Variants in ACP3 observed in about 807,000 individuals in gnomAD.
ACP3 encodes acid phosphatase 3.
A neutral mutation model predicts 45.6 loss-of-function variants in ACP3; 38 were observed. The ratio of observed to expected loss-of-function variants is 0.83; its 90% CI spans 0.64 to 1.09. The LOEUF (loss-of-function observed/expected upper bound fraction) is 1.09. Among genes scored for constraint, ACP3 ranks in the 50% least tolerant of loss-of-function variants. ACP3 has a pLI of 0.00. For missense variants in ACP3, 466 were observed against 463.2 expected (o/e 1.01, Z -0.05); for synonymous variants, 162 against 164.7 (o/e 0.98, Z 0.13).
Position 132,365,991 on chromosome 3 carries a change from C to CA in ACP3, c.1139-1701dup, listed in dbSNP as rs112882480. Among the ~76,000 whole-genome samples, 1,037 of 133,184 alleles carry CA rather than the reference C, an allele frequency of 7.8e-3. 6 individuals are homozygous for CA. Among genetic ancestry groups the CA allele is most frequent in the African/African-American group, 0.023 (829 of 36,166 alleles). 87.4% of individuals were successfully genotyped at this position (133,184 alleles called of 152,430 possible). On this transcript the variant is annotated intron_variant, in intron 10 of 10. Coordinates refer to the ACP3 transcript ENST00000351273. ...GGCAACACAGCAAGACTCCATCTCC[C>CA]AAAAAAAAAAAAGGATTGTGGCCTT...
In ACP3 at chr3:132,352,786, G is replaced by A. The variant is rs369601255; in HGVS notation, c.931G>A (p.Ala311Thr). The A allele has an allele frequency of 5.0e-6, 8 of 1,613,698 alleles. No individual in the cohort carries two copies. The African/African-American group carries it at 1.1e-4, about 22-fold the overall frequency. Residue 311 changes from alanine to threonine, a missense_variant, in exon 9 of 10, where the codon GCT (alanine) becomes ACT (threonine). By Grantham distance (58) the Ala-to-Thr change is moderately conservative (BLOSUM62 0). Coordinates refer to ENST00000336375, the MANE Select transcript of ACP3 (RefSeq NM_001099.5). ...TTACAACGGACTCCTTCCTCCCTAT[G>A]CTTCTTGCCACTTGACGGAATTGTA... Reference protein sequence around the residue: ...DVYNGLLPPYASCHLTELYFE... With the variant: ...DVYNGLLPPYTSCHLTELYFE...
intron 4 of ACP3, among the ~76,000 whole-genome samples, chr3:132,336,594 G>A (rs1283726429): frequency 6.6e-6 from 1 of 152,154 alleles, no homozygotes; most frequent in East Asian, 1.9e-4. Context: ...GCTGGGGAAG[G>A]ATGGCTAGAA....
chr3:132,359,381 A>G (rs558304333), downstream of ACP3, among the ~76,000 whole-genome samples: 115 of 152,166 alleles, frequency 7.6e-4, no homozygotes, highest in Middle Eastern at 0.014. Context: ...GGTGGCGGGC[A>G]CCTGTAGTCC....
intron 9 of ACP3, among the ~76,000 whole-genome samples, chr3:132,355,808 G>A (rs954823334): frequency 9.9e-5 from 15 of 152,196 alleles, no homozygotes; most frequent in Non-Finnish European, 1.6e-4. Flanking sequence ...GAGCCACTGC[G>A]CCCAGCCTTA....
chr3:132,325,526 A>G (rs1937282487), intron 1 of ACP3, among the ~76,000 whole-genome samples: 1 of 151,104 alleles, frequency 6.6e-6, no homozygotes, highest in African/African-American at 2.4e-5. Flanking sequence ...TATTCTTTCA[A>G]TAATATACAT....
At chr3:132,334,222 G>C (rs1937452519) in intron 4 of ACP3, among the ~76,000 whole-genome samples, 1 of 152,106 alleles carries the variant, frequency 6.6e-6, no homozygotes, top group South Asian at 2.1e-4. Flanking sequence ...TAGAAGAGGA[G>C]GAAAGAAACA....
intron 1 of ACP3, among the ~76,000 whole-genome samples, chr3:132,324,269 T>C (rs1937257404): frequency 6.6e-6 from 1 of 151,468 alleles, no homozygotes; most frequent in Non-Finnish European, 1.5e-5. Flanking sequence ...CATTTTCCAC[T>C]GGATATAGCC....
intron 1 of ACP3, among the ~76,000 whole-genome samples, chr3:132,318,865 G>C (rs1314581834): frequency 1.3e-5 from 2 of 152,216 alleles, no homozygotes; most frequent in African/African-American, 2.4e-5. Flanking sequence ...CCTGTGACAA[G>C]CTGGTTGAGT....
At chr3:132,325,144 C>G (rs561270311) in intron 1 of ACP3, among the ~76,000 whole-genome samples, 1 of 152,236 alleles carries the variant, frequency 6.6e-6, no homozygotes, top group Admixed American at 6.5e-5. Flanking sequence ...TCGCATAGTC[C>G]AAGAACTCCA....
chr3:132,320,547 G>A (rs1039380419), intron 1 of ACP3, among the ~76,000 whole-genome samples: 1 of 152,004 alleles, frequency 6.6e-6, no homozygotes, highest in Admixed American at 6.6e-5. Context: ...TCATTTCACC[G>A]GTGTTAAGAA....
At chr3:132,331,881 T>G (rs1390050772) in intron 3 of ACP3, 148 bp downstream of exon 3, 1 of 831,926 alleles carries the variant, frequency 1.2e-6, no homozygotes, top group Non-Finnish European at 1.9e-6. Flanking sequence ...TGCAAATTTT[T>G]GTTCCAAAAA....
intron 1 of ACP3, among the ~76,000 whole-genome samples, chr3:132,326,544 T>C (rs1937300988): frequency 6.6e-6 from 1 of 152,180 alleles, no homozygotes; most frequent in Non-Finnish European, 1.5e-5. Flanking sequence ...CGCTTAACAT[T>C]TATTGCATCA....
chr3:132,320,417 T>C (rs1937184910), intron 1 of ACP3, among the ~76,000 whole-genome samples: 1 of 152,172 alleles, frequency 6.6e-6, no homozygotes, highest in East Asian at 1.9e-4. Flanking sequence ...TTGAGTTTTT[T>C]AAGTTATTTC....
At chr3:132,352,950 G>A in intron 9 of ACP3, 127 bp downstream of exon 9, 1 of 646,496 alleles carries the variant, frequency 1.5e-6, no homozygotes, top group South Asian at 1.9e-5. Flanking sequence ...GAAGAATGGT[G>A]GTAACAAGAT....
Position 132,328,377 on chromosome 3 carries a change from T to C in ACP3, c.216+15T>C. On this transcript the variant is annotated intron_variant, in intron 2 of 9. Transcript: ENST00000336375. ...AACTCACCCAGGTTGGTTGGACTTT[T>C]AGCTAAAGATTGTTGATGAAGCTGG... is the stretch of plus-strand genomic sequence containing the variant. 6.2e-7 allele frequency: 1 copy of C among 1,605,968 alleles called. No homozygotes were observed. Among genetic ancestry groups the C allele is most frequent in the South Asian group, 1.1e-5 (1 of 90,910 alleles).
At chr3:132,359,576 G>A (rs1427789779), downstream of ACP3, among the ~76,000 whole-genome samples, 1 of 152,060 alleles carries the variant, frequency 6.6e-6, no homozygotes, top group Non-Finnish European at 1.5e-5. Flanking sequence ...CTATCTTGAT[G>A]AGCAGCAATA....
chr3:132,334,679 A>G (rs985623633), intron 4 of ACP3, among the ~76,000 whole-genome samples: 1 of 152,212 alleles, frequency 6.6e-6, no homozygotes, highest in African/African-American at 2.4e-5. Flanking sequence ...GTAGAATGCC[A>G]GTTCTTCTGT....
At chr3:132,321,824 T>C (rs1185082915) in intron 1 of ACP3, among the ~76,000 whole-genome samples, 1 of 152,178 alleles carries the variant, frequency 6.6e-6, no homozygotes, top group African/African-American at 2.4e-5. Context: ...CAAATTATTG[T>C]CAGCAGGAAA....
At position 132,332,245 on chromosome 3, in the gene ACP3, C is replaced by T. The variant is rs773723429; in HGVS notation, c.357C>T (p.Asn119=). The change falls in exon 4 of 10, where the codon AAC becomes AAT. Residue 119 remains asparagine (N), a synonymous_variant. Coordinates refer to ENST00000336375, the MANE Select transcript of ACP3 (RefSeq NM_001099.5). ...GGACTTTGATGAGTGCTATGACAAACCTGGCAGCCCTGTTTCCCCCAGAAG... is the reference window on the plus strand; with the variant it reads ...GGACTTTGATGAGTGCTATGACAAATCTGGCAGCCCTGTTTCCCCCAGAAG... ...VDRTLMSAMT[N]LAALFPPEGV... is the part of the protein sequence containing the mutation. The T allele has an allele frequency of 6.2e-7, 1 of 1,614,104 alleles. No individual in the cohort carries two copies. Among genetic ancestry groups the T allele is most frequent in the Non-Finnish European group, 8.5e-7 (1 of 1,179,996 alleles).
Sources: allele counts gnomAD v4.1 joint callset (sites outside exome capture counted in the v4.1 genomes callset), GRCh38; gene constraint gnomAD v4.1.1; transcripts MANE v1.5; gene names NCBI Gene and HGNC (gene_info 2026-07-23, HGNC 2026-07-21).